CEP78: variants seen among roughly 807,000 people sequenced by gnomAD.
The protein encoded by CEP78 is centrosomal protein of 78 kDa.
A neutral mutation model predicts 81.2 loss-of-function variants in CEP78; 76 were observed. The observed-to-expected ratio is 0.94, with a 90% CI of 0.78 to 1.13. The LOEUF is 1.13. Among genes scored for constraint, CEP78 ranks in the 50% most tolerant of loss-of-function variants. CEP78 has a pLI of 0.00. For synonymous variants in CEP78, 293 were observed against 301.4 expected, an observed-to-expected ratio of 0.97 and a Z score of 0.29; for missense variants, 918 against 846.8, an observed-to-expected ratio of 1.08 and a Z score of -1.04.
chr9:78,273,663 C>T lies in CEP78; in HGVS notation c.*2812C>T, dbSNP rs1266874990. 6.6e-6 allele frequency: 1 copy of T among 152,262 alleles called. No homozygotes were observed. The highest frequency in any genetic ancestry group is 2.4e-5 in the African/African-American group (1 of 41,440). 9.4% of individuals were successfully genotyped at this position (152,262 alleles called of 1,614,324 possible). On this transcript the variant is annotated 3_prime_UTR_variant, in exon 17 of 17. Transcript: ENST00000643273. ...TCGGGAGGCTGAGGCAGGAGAATCG[C>T]TTGAACCTGGGAGGCGGAGTTTGCA...
intron 12 of CEP78, 30 bp downstream of exon 12, chr9:78,263,014 G>T (rs1563995926): frequency 6.3e-6 from 9 of 1,427,520 alleles, no homozygotes; most frequent in South Asian, 1.3e-5. Context: ...CCTTTTGAGA[G>T]TTTTTTGTTT....
chr9:78,241,103 A>G (rs1826207895), intron 3 of CEP78, among the ~76,000 whole-genome samples: 2 of 152,102 alleles, frequency 1.3e-5, no homozygotes, highest in African/African-American at 4.8e-5. Flanking sequence ...ACTTGGGGGG[A>G]AAGGGTTGGG....
rs1236286966 is a variant in CEP78 at position 78,266,677 on chromosome 9, C to T, written c.2081C>T (p.Ser694Phe). 1 of 1,612,076 alleles carries T rather than the reference C, an allele frequency of 6.2e-7. No individual in the cohort carries two copies. The highest frequency in any genetic ancestry group is 8.5e-7 in the Non-Finnish European group (1 of 1,179,020). ...KEEELSRNSR[S>F]SSEKKTKTES... Reference sequence around the variant, plus strand: ...GAGGAGTTGTCCAGAAATAGCAGATCTTCTTCAGAGAAAAAGACCAAAACA... The same window carrying T: ...GAGGAGTTGTCCAGAAATAGCAGATTTTCTTCAGAGAAAAAGACCAAAACA... Residue 694 changes from serine (S) to phenylalanine (F), a missense_variant, in exon 16 of 17, where the codon TCT becomes TTT. Ser to Phe is a radical substitution (Grantham distance 155). Transcript: ENST00000643273.
At chr9:78,260,055 T>TTTTAAGTGGGAA in intron 11 of CEP78, among the ~76,000 whole-genome samples, 1 of 152,352 alleles carries the variant, frequency 6.6e-6, no homozygotes, top group South Asian at 2.1e-4. Flanking sequence ...ATATACTTCC[T>TTTTAAGTGGGAA]TCTCTTGAAT....
intron 9 of CEP78, among the ~76,000 whole-genome samples, chr9:78,252,709 G>A (rs1826826103): frequency 6.6e-6 from 1 of 152,194 alleles, no homozygotes; most frequent in Non-Finnish European, 1.5e-5. Context: ...AATAGGACTG[G>A]AAATAGGTGC....
At chr9:78,268,941 C>T (rs1827632409) in intron 16 of CEP78, among the ~76,000 whole-genome samples, 1 of 152,170 alleles carries the variant, frequency 6.6e-6, no homozygotes, top group Non-Finnish European at 1.5e-5. Context: ...CAGGCGTGAG[C>T]TACCATGCCT....
chr9:78,264,031 A>G, intron 12 of CEP78, 119 bp from the exon 13 acceptor site: 1 of 667,086 alleles, frequency 1.5e-6, no homozygotes, highest in Non-Finnish European at 2.3e-6. Context: ...TTACTGGTAG[A>G]GAGTTAGATT....
At chr9:78,238,511 T>C (rs979751428) in intron 1 of CEP78, among the ~76,000 whole-genome samples, 10 of 152,098 alleles carry the variant, frequency 6.6e-5, no homozygotes, top group African/African-American at 1.9e-4. Flanking sequence ...GACGTGAACA[T>C]GTTTATAAGC....
In CEP78 at chr9:78,246,740, A is replaced by G. The variant is rs1420655322; in HGVS notation, c.850A>G (p.Thr284Ala). Reference sequence around the variant, plus strand: ...TTTGCTAGAGGCCCTTGAAACCAATACAACTCTGGTCGTTCTGGATATAAG... The same window carrying G: ...TTTGCTAGAGGCCCTTGAAACCAATGCAACTCTGGTCGTTCTGGATATAAG... ...KALLEALETN[T>A]TLVVLDIRKN... is the part of the protein sequence containing the mutation. The change falls in exon 6 of 17, where the codon ACA becomes GCA. Residue 284 changes from threonine (T) to alanine (A), a missense_variant. Thr to Ala is a moderately conservative substitution (Grantham distance 58, BLOSUM62 0). Transcript: ENST00000643273. 1.2e-6 allele frequency: 2 copies of G among 1,610,522 alleles called. No individual in the cohort carries two copies. The highest frequency in any genetic ancestry group is 1.3e-5 in the African/African-American group (1 of 74,694).
At position 78,277,469 on chromosome 9, in the gene CEP78, A is replaced by C. The variant is rs900465490; in HGVS notation, c.*6618A>C. 2.6e-5 allele frequency: 4 copies of C among 152,224 alleles called. No individual in the cohort carries two copies. Among genetic ancestry groups the C allele is most frequent in the African/African-American group, 9.6e-5 (4 of 41,476 alleles). The allele number at this position is 152,224 out of a possible 1,614,324, so 9.4% of individuals were successfully genotyped here. A position where few individuals can be genotyped will look rare whatever the true frequency, so the allele number is the denominator to read the frequency against. ...AGGCTATAAAAATATTTTATAAATA[A>C]GAAATACAGACTATAAACATAAACT... On this transcript the variant is annotated 3_prime_UTR_variant, in exon 17 of 17. Transcript: ENST00000643273.
intron 11 of CEP78, among the ~76,000 whole-genome samples, chr9:78,255,183 T>C (rs1381268973): frequency 1.3e-5 from 2 of 152,174 alleles, no homozygotes. Context: ...ATCAGTAATA[T>C]ATTTTCCTTT....
In CEP78 at chr9:78,275,107, T is replaced by C. The variant is rs1471496789; in HGVS notation, c.*4256T>C. On this transcript the variant is annotated 3_prime_UTR_variant, in exon 17 of 17. Transcript: ENST00000643273. ...AGCATTAGGAATAATTTTAGAAGGA[T>C]ACCTACAACTAGAAGAGATATTTTT... 6.6e-6 allele frequency: 1 copy of C among 152,162 alleles called. No homozygotes were observed. Among genetic ancestry groups the C allele is most frequent in the Admixed American group, 6.5e-5 (1 of 15,282 alleles). 9.4% of individuals were successfully genotyped at this position (152,162 alleles called of 1,614,324 possible).
chr9:78,248,899 A>G, intron 8 of CEP78, 26 bp downstream of exon 8: 1 of 1,163,318 alleles, frequency 8.6e-7, no homozygotes, highest in Non-Finnish European at 1.3e-6. Context: ...TTGGCTTTTT[A>G]ATGCTACTAG....
At chr9:78,244,212 G>A (rs896589192) in intron 5 of CEP78, among the ~76,000 whole-genome samples, 8 of 139,086 alleles carry the variant, frequency 5.8e-5, no homozygotes, top group South Asian at 4.7e-4. Context: ...TAATCATACC[G>A]CGCTGTAGCC....
chr9:78,253,858 T>G (rs148430207), intron 10 of CEP78: 2,700 of 152,466 alleles, frequency 0.018, 62 homozygotes, highest in Non-Finnish European at 0.019. Flanking sequence ...ACTACTGAGA[T>G]GAAGGAGCAC....
chr9:78,260,841 T>C (rs1397813006), intron 11 of CEP78, among the ~76,000 whole-genome samples: 1 of 152,096 alleles, frequency 6.6e-6, no homozygotes, highest in Non-Finnish European at 1.5e-5. Context: ...TCCTCCAGCA[T>C]ATACCCAAAT....
chr9:78,256,163 G>A (rs892129395), intron 11 of CEP78, among the ~76,000 whole-genome samples: 2 of 152,162 alleles, frequency 1.3e-5, no homozygotes, highest in Admixed American at 6.5e-5. Context: ...GAAAACCATC[G>A]CCTAGAATAT....
chr9:78,238,640 C>G (rs1413284340), intron 1 of CEP78, among the ~76,000 whole-genome samples: 1 of 152,224 alleles, frequency 6.6e-6, no homozygotes, highest in Non-Finnish European at 1.5e-5. Context: ...TTAGCACCAT[C>G]TCTTCTGCAA....
intron 11 of CEP78, among the ~76,000 whole-genome samples, chr9:78,262,615 T>C (rs1433604586): frequency 6.6e-6 from 1 of 152,190 alleles, no homozygotes; most frequent in Non-Finnish European, 1.5e-5. Context: ...TTCTTTTTCA[T>C]AGCCTTAATT....
Sources: allele counts gnomAD v4.1 joint callset (sites outside exome capture counted in the v4.1 genomes callset), GRCh38; gene constraint gnomAD v4.1.1; transcripts MANE v1.5; gene names NCBI Gene and HGNC (gene_info 2026-07-23, HGNC 2026-07-21).